Variants in MAP3K20 observed in about 807,000 individuals in gnomAD.
The protein encoded by MAP3K20 is HCCS-4.
MAP3K20 carries 40 observed loss-of-function variants against 85.7 expected under a neutral mutation model. That is an observed-to-expected ratio of 0.47 (90% CI 0.36 to 0.61). The LOEUF is 0.61. Among genes scored for constraint, MAP3K20 ranks in the 20% least tolerant of loss-of-function variants. The pLI, the probability that MAP3K20 is intolerant of heterozygous loss-of-function variation, is 0.00. For missense variants in MAP3K20, 817 were observed against 961.7 expected, an observed-to-expected ratio of 0.85 and a Z score of 1.99; for synonymous variants, 325 against 327.7, an observed-to-expected ratio of 0.99 and a Z score of 0.09.
chr2:173,108,203 T>TCTCAG (rs569817308), intron 2 of MAP3K20, among the ~76,000 whole-genome samples: 225 of 152,114 alleles, frequency 1.5e-3, no homozygotes, highest in African/African-American at 5.2e-3. Context: ...AATGGCGTGA[T>TCTCAG]CTCACCGCAA....
intron 12 of MAP3K20, among the ~76,000 whole-genome samples, chr2:173,230,703 T>A (rs534835274): frequency 6.6e-6 from 1 of 152,294 alleles, no homozygotes; most frequent in South Asian, 2.1e-4. Flanking sequence ...ATTCCTGATG[T>A]GAAAACTCAG....
intron 2 of MAP3K20, among the ~76,000 whole-genome samples, chr2:173,154,451 T>G (rs942610192): frequency 3.3e-5 from 5 of 152,328 alleles, no homozygotes; most frequent in African/African-American, 9.6e-5. Flanking sequence ...CCCAAAGTGC[T>G]GGTATTATAG....
intron 2 of MAP3K20, among the ~76,000 whole-genome samples, chr2:173,116,926 A>G (rs979536247): frequency 2.0e-5 from 3 of 152,228 alleles, no homozygotes; most frequent in African/African-American, 7.2e-5. Flanking sequence ...ATAAATCCAG[A>G]TTCCTAGCTC....
At chr2:173,205,514 G>A (rs898848521) in intron 9 of MAP3K20, among the ~76,000 whole-genome samples, 2 of 152,166 alleles carry the variant, frequency 1.3e-5, no homozygotes, top group Non-Finnish European at 2.9e-5. Context: ...AGCACAAAGT[G>A]TAATAATGCA....
intron 11 of MAP3K20, among the ~76,000 whole-genome samples, chr2:173,229,173 G>A (rs927840849): frequency 2.6e-5 from 4 of 152,302 alleles, no homozygotes; most frequent in East Asian, 1.9e-4. Context: ...TCTTAGGACC[G>A]TACCAATTTC....
chr2:173,238,549 TC>T, intron 15 of MAP3K20, 114 bp downstream of exon 15: 1 of 933,728 alleles, frequency 1.1e-6, no homozygotes, highest in Non-Finnish European at 1.6e-6. Flanking sequence ...TGAAATTTCA[TC>T]ATATCTGTCT....
At chr2:173,222,199 C>CTTGTTTTT (rs1212751339) in intron 11 of MAP3K20, 1 of 968,904 alleles carries the variant, frequency 1.0e-6, no homozygotes, top group East Asian at 1.2e-4. Context: ...GAACAAGATC[C>CTTGTTTTT]TGTCTCAAAA....
At chr2:173,080,900 C>T (rs1347357869) in intron 1 of MAP3K20, among the ~76,000 whole-genome samples, 1 of 152,082 alleles carries the variant, frequency 6.6e-6, no homozygotes, top group East Asian at 1.9e-4. Context: ...CTCCAGGCTT[C>T]CATTTAAGAA....
At chr2:173,134,414 A>ATTTTTTTTTTT in intron 2 of MAP3K20, among the ~76,000 whole-genome samples, 1 of 6,130 alleles carries the variant, frequency 1.6e-4, no homozygotes, top group Non-Finnish European at 3.7e-4. Context: ...ATATATATAT[A>ATTTTTTTTTTT]TATATATATA....
At chr2:173,079,827 A>C (rs1686965523) in intron 1 of MAP3K20, among the ~76,000 whole-genome samples, 1 of 151,560 alleles carries the variant, frequency 6.6e-6, no homozygotes, top group Non-Finnish European at 1.5e-5. Flanking sequence ...CCATCTCCCC[A>C]TCTCCAGTGA....
chr2:173,248,728 C>T (rs1482212457), intron 16 of MAP3K20, among the ~76,000 whole-genome samples: 2 of 150,674 alleles, frequency 1.3e-5, no homozygotes, highest in Non-Finnish European at 3.0e-5. Context: ...CCACTATGGC[C>T]GATTTCAAGT....
At chr2:173,075,712 A>C, upstream of MAP3K20, 1 of 979,318 alleles carries the variant, frequency 1.0e-6, no homozygotes, top group Non-Finnish European at 1.2e-6. Context: ...CGCGGGGCGG[A>C]TGGTGCCCCC....
Position 173,258,798 on chromosome 2 carries a change from A to G in MAP3K20, c.1459A>G (p.Ile487Val). The G allele has an allele frequency of 6.2e-7, 1 of 1,606,724 alleles. No homozygotes were observed. The highest frequency in any genetic ancestry group is 8.5e-7 in the Non-Finnish European group (1 of 1,174,014). ...CAACACTAACCTACCTGATGCGGAGATTTTAAAGATGACAAAGGTAGGGTT... is the reference window on the plus strand; with the variant it reads ...CAACACTAACCTACCTGATGCGGAGGTTTTAAAGATGACAAAGGTAGGGTT... ...TFNTNLPDAEILKMTKPPFVM... is the reference protein window; with the variant it reads ...TFNTNLPDAEVLKMTKPPFVM... The change falls in exon 17 of 20, where the codon ATT (isoleucine) becomes GTT (valine). Residue 487 changes from isoleucine (I) to valine (V), a missense_variant. Physicochemically the swap from Ile to Val is conservative, Grantham distance 29. Transcript: ENST00000375213.
intron 1 of MAP3K20, 137 bp downstream of exon 1, chr2:173,076,139 G>GGA: frequency 1.7e-6 from 1 of 593,174 alleles, no homozygotes; most frequent in Non-Finnish European, 2.1e-6. Flanking sequence ...AGGCTCCTCG[G>GGA]GGCTCCCCTC....
intron 7 of MAP3K20, among the ~76,000 whole-genome samples, chr2:173,195,551 T>C (rs1045555543): frequency 6.6e-6 from 1 of 152,232 alleles, no homozygotes; most frequent in Non-Finnish European, 1.5e-5. Context: ...TCATAACTGG[T>C]ATTTTTAGGC....
At chr2:173,229,806 G>A (rs775905925) in intron 12 of MAP3K20, 73 bp downstream of exon 12, 2 of 1,503,904 alleles carry the variant, frequency 1.3e-6, no homozygotes, top group Non-Finnish European at 1.9e-6. Flanking sequence ...GTTTTTAGGG[G>A]AAGAGATTGG....
chr2:173,156,541 A>C (rs1163205226), intron 2 of MAP3K20, among the ~76,000 whole-genome samples: 1 of 152,096 alleles, frequency 6.6e-6, no homozygotes, highest in East Asian at 1.9e-4. Flanking sequence ...TTCAGGATAA[A>C]ACTGTTTCAC....
intron 1 of MAP3K20, among the ~76,000 whole-genome samples, chr2:173,081,664 G>C (rs958901632): frequency 6.6e-6 from 1 of 152,140 alleles, no homozygotes; most frequent in African/African-American, 2.4e-5. Context: ...CTGGAATGTG[G>C]CTCTTAGCTT....
chr2:173,221,101 T>C (rs776193822), intron 11 of MAP3K20: 99 of 1,416,362 alleles, frequency 7.0e-5, no homozygotes, highest in Non-Finnish European at 8.5e-5. Context: ...CTGATTTAAA[T>C]TGGTCCTAAT....
Sources: allele counts gnomAD v4.1 joint callset (sites outside exome capture counted in the v4.1 genomes callset), GRCh38; gene constraint gnomAD v4.1.1; transcripts MANE v1.5; gene names NCBI Gene and HGNC (gene_info 2026-07-23, HGNC 2026-07-21).